Variants in GALNT17 observed in about 807,000 individuals in gnomAD.
GALNT17 encodes UDP-GalNAc:polypeptide N-acetylgalactosaminyltransferase-like 3.
A neutral mutation model predicts 63.7 loss-of-function variants in GALNT17; 29 were observed. The observed-to-expected ratio is 0.46, with a 90% CI of 0.34 to 0.62. The LOEUF is 0.62. GALNT17 is among the 20% of genes least tolerant of loss of function. The probability of loss-of-function intolerance (pLI) is 0.01; values close to 1 mark genes in which losing one functional copy is unlikely to be tolerated. For synonymous variants in GALNT17, 305 were observed against 318.3 expected (o/e 0.96, Z 0.45); for missense variants, 603 against 799.6 (o/e 0.75, Z 2.97).
chr7:71,244,706 T>C (rs1055568807), intron 1 of GALNT17, among the ~76,000 whole-genome samples: 1 of 152,186 alleles, frequency 6.6e-6, no homozygotes, highest in Admixed American at 6.5e-5. Context: ...GGCTCATGCT[T>C]GCAACACTGA....
chr7:71,603,732 G>T (rs552599984), intron 6 of GALNT17, among the ~76,000 whole-genome samples: 1 of 152,146 alleles, frequency 6.6e-6, no homozygotes, highest in East Asian at 1.9e-4. Flanking sequence ...GCATACACTG[G>T]ATACTATGCT....
At chr7:71,184,572 G>A (rs1562894344) in intron 1 of GALNT17, among the ~76,000 whole-genome samples, 2 of 152,138 alleles carry the variant, frequency 1.3e-5, no homozygotes, top group Non-Finnish European at 2.9e-5. Flanking sequence ...GTTAGAAACT[G>A]CCCCGCTGAC....
At chr7:71,415,864 C>A in intron 3 of GALNT17, 25 bp from the exon 4 acceptor site, 1 of 1,558,146 alleles carries the variant, frequency 6.4e-7, no homozygotes, top group South Asian at 1.2e-5. Context: ...GTTTATAGAC[C>A]TTCTTGCATT....
At chr7:71,613,569 A>G (rs1378002666) in intron 6 of GALNT17, among the ~76,000 whole-genome samples, 6 of 151,998 alleles carry the variant, frequency 3.9e-5, no homozygotes, top group Admixed American at 3.9e-4. Flanking sequence ...GCTTGGAGGG[A>G]CTTTCCAGTT....
At chr7:71,208,493 C>A (rs2116386375) in intron 1 of GALNT17, among the ~76,000 whole-genome samples, 1 of 146,986 alleles carries the variant, frequency 6.8e-6, no homozygotes, top group South Asian at 2.2e-4. Flanking sequence ...CTCTGTTGCC[C>A]AGGCTGGTGT....
chr7:71,648,885 G>C (rs1401994794), intron 6 of GALNT17, among the ~76,000 whole-genome samples: 1 of 152,242 alleles, frequency 6.6e-6, no homozygotes, highest in Non-Finnish European at 1.5e-5. Flanking sequence ...TTTGAACCCA[G>C]TGCTGTGACT....
At chr7:71,178,329 T>C (rs1452512786) in intron 1 of GALNT17, among the ~76,000 whole-genome samples, 1 of 152,158 alleles carries the variant, frequency 6.6e-6, no homozygotes, top group Non-Finnish European at 1.5e-5. Flanking sequence ...CTGGCTGTTT[T>C]CAAGATTTTA....
At position 71,133,001 on chromosome 7, in the gene GALNT17, C is replaced by T. The variant is rs1252914932; in HGVS notation, c.199C>T (p.Leu67=). 6.3e-7 allele frequency: 1 copy of T among 1,599,928 alleles called. No homozygotes were observed. Among genetic ancestry groups the T allele is most frequent in the Admixed American group, 1.7e-5 (1 of 59,312 alleles). ...SPIQDAVLKR[L]SLLEDIVYRQ... is the part of the protein sequence containing the mutation. ...CATCCAGGATGCGGTCCTGAAGCGC[C>T]TGTCGCTGCTGGAGGACATCGTGTA... Residue 67 remains leucine, a synonymous_variant, in exon 1 of 11, where the codon CTG becomes TTG. Coordinates refer to ENST00000333538, the MANE Select transcript of GALNT17 (RefSeq NM_022479.3).
At chr7:71,522,559 C>T (rs1490583382) in intron 5 of GALNT17, among the ~76,000 whole-genome samples, 7 of 152,074 alleles carry the variant, frequency 4.6e-5, no homozygotes, top group Non-Finnish European at 1.0e-4. Context: ...TATTCACTAC[C>T]ATGAGAACAG....
chr7:71,649,049 G>C (rs1314348018), intron 6 of GALNT17, among the ~76,000 whole-genome samples: 3 of 152,180 alleles, frequency 2.0e-5, no homozygotes, highest in Admixed American at 6.5e-5. Context: ...TGCAGGGATG[G>C]TTCTGCCCCC....
intron 1 of GALNT17, among the ~76,000 whole-genome samples, chr7:71,302,461 A>C (rs1334623004): frequency 6.6e-6 from 1 of 152,206 alleles, no homozygotes; most frequent in East Asian, 1.9e-4. Flanking sequence ...AGAGTTCTCT[A>C]CATGGCGGCC....
intron 6 of GALNT17, among the ~76,000 whole-genome samples, chr7:71,640,504 G>T (rs543946803): frequency 6.6e-6 from 1 of 152,192 alleles, no homozygotes; most frequent in African/African-American, 2.4e-5. Context: ...TTTAATGAAT[G>T]TAGGCTAGAC....
At chr7:71,550,335 T>C (rs1466223202) in intron 5 of GALNT17, among the ~76,000 whole-genome samples, 2 of 152,078 alleles carry the variant, frequency 1.3e-5, no homozygotes, top group Non-Finnish European at 2.9e-5. Flanking sequence ...CATTATTACA[T>C]GAGCTTTTTA....
chr7:71,342,998 G>A (rs12155133), intron 2 of GALNT17, among the ~76,000 whole-genome samples: 88,251 of 152,104 alleles, frequency 0.58, 25,732 homozygotes, highest in South Asian at 0.6. Flanking sequence ...ACTATGTGTT[G>A]GGTAAATTTG....
chr7:71,611,351 C>A (rs907721907), intron 6 of GALNT17, among the ~76,000 whole-genome samples: 8 of 152,188 alleles, frequency 5.3e-5, no homozygotes, highest in Non-Finnish European at 8.8e-5. Flanking sequence ...ATTTTAAGAT[C>A]CAGCCCAGTG....
chr7:71,470,488 A>G (rs1199594339), intron 5 of GALNT17, among the ~76,000 whole-genome samples: 1 of 152,006 alleles, frequency 6.6e-6, no homozygotes, highest in African/African-American at 2.4e-5. Flanking sequence ...AGGTCTTTCC[A>G]TTACTCATAC....
At chr7:71,556,793 T>C (rs1304869591) in intron 5 of GALNT17, among the ~76,000 whole-genome samples, 1 of 152,138 alleles carries the variant, frequency 6.6e-6, no homozygotes, top group Non-Finnish European at 1.5e-5. Flanking sequence ...CTTGAACTCC[T>C]GATCTCAGGT....
intron 5 of GALNT17, among the ~76,000 whole-genome samples, chr7:71,501,829 CT>C (rs1788185067): frequency 6.6e-6 from 1 of 152,192 alleles, no homozygotes; most frequent in Non-Finnish European, 1.5e-5. Flanking sequence ...ATGGCTGCAT[CT>C]TCCATTGCAC....
At chr7:71,384,969 A>G (rs1038011572) in intron 2 of GALNT17, among the ~76,000 whole-genome samples, 1 of 152,176 alleles carries the variant, frequency 6.6e-6, no homozygotes, top group Non-Finnish European at 1.5e-5. Context: ...CCTGCATTGC[A>G]TTGACAACTG....
Sources: allele counts gnomAD v4.1 joint callset (sites outside exome capture counted in the v4.1 genomes callset), GRCh38; gene constraint gnomAD v4.1.1; transcripts MANE v1.5; gene names NCBI Gene and HGNC (gene_info 2026-07-23, HGNC 2026-07-21).